SEMA3A: variants seen among roughly 807,000 people sequenced by gnomAD.
The protein encoded by SEMA3A is semaphorin 3A.
In SEMA3A, 29 loss-of-function variants were observed where a neutral mutation model predicts 97.9. The observed-to-expected ratio is 0.30, with a 90% CI of 0.22 to 0.40. SEMA3A has a LOEUF of 0.40. Among genes scored for constraint, SEMA3A ranks in the 10% least tolerant of loss-of-function variants. The pLI is 1.00. For missense variants in SEMA3A, 763 were observed against 951.3 expected (o/e 0.80, Z 2.60); for synonymous variants, 321 against 323.7 (o/e 0.99, Z 0.09).
rs1197815705 is a variant in SEMA3A at position 84,462,186 on chromosome 7, AT to A, written c.-246+30273del. Among the ~76,000 whole-genome samples, 5 of 152,128 alleles carry A rather than the reference AT, an allele frequency of 3.3e-5. No individual in the cohort carries two copies. The East Asian group carries it at 5.8e-4, about 18-fold the overall frequency. On this transcript the variant is annotated intron_variant, in intron 1 of 3. Coordinates refer to the SEMA3A transcript ENST00000424555. ...GCATTGACATGTTATTTATTGGATG[AT>A]TTTTTTCTCATAAAAATATACCTTA...
intron 4 of SEMA3A, among the ~76,000 whole-genome samples, chr7:84,077,352 TA>T (rs1222546399): frequency 2.0e-5 from 3 of 152,142 alleles, no homozygotes; most frequent in Admixed American, 2.0e-4. Context: ...GTAAAGCTAT[TA>T]TTTTTTTACC....
chr7:84,136,890 C>G (rs552700279), intron 1 of SEMA3A, among the ~76,000 whole-genome samples: 63 of 151,286 alleles, frequency 4.2e-4, no homozygotes, highest in Non-Finnish European at 7.7e-4. Context: ...CCCTACCCCA[C>G]CCCACTCTCC....
chr7:83,992,148 T>C (rs1789976107), intron 12 of SEMA3A, among the ~76,000 whole-genome samples: 1 of 149,638 alleles, frequency 6.7e-6, no homozygotes, highest in South Asian at 2.1e-4. Context: ...TTTGTATTTC[T>C]GTGGGATTGG....
At chr7:84,192,783 A>C (rs1798090236) in intron 1 of SEMA3A, among the ~76,000 whole-genome samples, 1 of 151,978 alleles carries the variant, frequency 6.6e-6, no homozygotes, top group Non-Finnish European at 1.5e-5. Context: ...CAAGCCTAGC[A>C]GATTTTTAAA....
intron 2 of SEMA3A, among the ~76,000 whole-genome samples, chr7:84,335,045 A>C (rs966581118): frequency 6.6e-6 from 1 of 152,174 alleles, no homozygotes. Context: ...TAAATGCTTT[A>C]ATATTTCCTT....
At chr7:84,234,185 G>A (rs148888644) in intron 3 of SEMA3A, among the ~76,000 whole-genome samples, 1 of 152,056 alleles carries the variant, frequency 6.6e-6, no homozygotes, top group East Asian at 1.9e-4. Context: ...AACTGGAATT[G>A]CTTCTAGCTA....
At chr7:84,332,144 T>G (rs758005440) in intron 2 of SEMA3A, among the ~76,000 whole-genome samples, 3 of 152,140 alleles carry the variant, frequency 2.0e-5, no homozygotes, top group Non-Finnish European at 4.4e-5. Context: ...ACAAAGGATC[T>G]GGAGACTACA....
chr7:84,074,756 T>C (rs1430673980), intron 4 of SEMA3A, among the ~76,000 whole-genome samples: 3 of 152,030 alleles, frequency 2.0e-5, no homozygotes. Context: ...AGTTGTTAAC[T>C]AAAATATTTT....
At chr7:83,962,766 C>T (rs1392566296) in intron 16 of SEMA3A, among the ~76,000 whole-genome samples, 1 of 152,120 alleles carries the variant, frequency 6.6e-6, no homozygotes, top group Non-Finnish European at 1.5e-5. Flanking sequence ...CACCCTACAT[C>T]TACTACTATC....
At chr7:84,165,584 A>G (rs576758393) in intron 1 of SEMA3A, among the ~76,000 whole-genome samples, 3 of 152,056 alleles carry the variant, frequency 2.0e-5, no homozygotes, top group African/African-American at 7.2e-5. Flanking sequence ...GCGGAGTCTC[A>G]CTCTGTCACC....
chr7:84,102,254 CTA>C (rs1794977976), intron 4 of SEMA3A, among the ~76,000 whole-genome samples: 1 of 152,154 alleles, frequency 6.6e-6, no homozygotes, highest in Non-Finnish European at 1.5e-5. Context: ...AAAAGTGTGA[CTA>C]TTAAAGTGTG....
chr7:84,038,868 T>C (rs1792034902), intron 6 of SEMA3A, among the ~76,000 whole-genome samples: 1 of 152,194 alleles, frequency 6.6e-6, no homozygotes, highest in African/African-American at 2.4e-5. Context: ...AATTTCATTG[T>C]TTCATCTTCT....
At chr7:84,386,969 C>T (rs1172372363) in intron 1 of SEMA3A, among the ~76,000 whole-genome samples, 4 of 151,832 alleles carry the variant, frequency 2.6e-5, no homozygotes, top group African/African-American at 9.7e-5. Context: ...CACTGCACTC[C>T]AGCCTGGGGG....
intron 3 of SEMA3A, among the ~76,000 whole-genome samples, chr7:84,278,453 A>G (rs1160253012): frequency 6.6e-6 from 1 of 152,136 alleles, no homozygotes; most frequent in Non-Finnish European, 1.5e-5. Context: ...GGTATCTTTA[A>G]AGCAACACTC....
At chr7:84,013,826 G>A (rs1000262080) in intron 7 of SEMA3A, among the ~76,000 whole-genome samples, 19 of 152,028 alleles carry the variant, frequency 1.2e-4, no homozygotes, top group African/African-American at 4.4e-4. Flanking sequence ...CAGCCTAGGG[G>A]GCAGAGCAAG....
chr7:84,057,839 T>C (rs1254724497), intron 5 of SEMA3A, among the ~76,000 whole-genome samples: 7 of 152,094 alleles, frequency 4.6e-5, no homozygotes, highest in South Asian at 2.1e-4. Flanking sequence ...TTAAAGGAGA[T>C]TGCAAAATTA....
rs1429197861 is a variant in SEMA3A at position 84,412,552 on chromosome 7, G to T, written c.-245-40652C>A. ...CTAGCCATGACTTTGATACAGAAAT[G>T]GTTCAAAGTAATAGGCAAATAAAAC... On this transcript the variant is annotated intron_variant, in intron 1 of 3. Coordinates refer to the SEMA3A transcript ENST00000424555. 3.9e-5 allele frequency among the ~76,000 whole-genome samples: 6 copies of T among 152,010 alleles called. No homozygotes were observed. The South Asian group carries it at 1.0e-3, about 26-fold the overall frequency.
intron 1 of SEMA3A, among the ~76,000 whole-genome samples, chr7:84,393,286 C>G (rs1803635047): frequency 6.6e-6 from 1 of 152,032 alleles, no homozygotes; most frequent in Admixed American, 6.6e-5. Flanking sequence ...TGCCCAATAC[C>G]ATTTATTGAA....
At chr7:84,045,555 C>G (rs1792316084) in intron 6 of SEMA3A, among the ~76,000 whole-genome samples, 1 of 150,984 alleles carries the variant, frequency 6.6e-6, no homozygotes, top group South Asian at 2.1e-4. Flanking sequence ...AAAAGGATTG[C>G]TTAGTTAAAA....
Sources: allele counts gnomAD v4.1 joint callset (sites outside exome capture counted in the v4.1 genomes callset), GRCh38; gene constraint gnomAD v4.1.1; transcripts MANE v1.5; gene names NCBI Gene and HGNC (gene_info 2026-07-23, HGNC 2026-07-21).